ATRNL1: variants seen among roughly 807,000 people sequenced by gnomAD.
ATRNL1 encodes attractin-like protein 1.
ATRNL1 carries 95 observed loss-of-function variants against 182.7 expected under a neutral mutation model. That is an observed-to-expected ratio of 0.52 (90% CI 0.44 to 0.62). The LOEUF is 0.62. Among genes scored for constraint, ATRNL1 ranks in the 20% least tolerant of loss-of-function variants. The probability of loss-of-function intolerance (pLI) is 0.00; values close to 1 mark genes in which losing one functional copy is unlikely to be tolerated. For missense variants in ATRNL1, 1,471 were observed against 1,679.5 expected (o/e 0.88, Z 2.17); for synonymous variants, 576 against 568.3 (o/e 1.01, Z -0.19).
chr10:115,401,293 C>T (rs1844553133), intron 20 of ATRNL1, among the ~76,000 whole-genome samples: 1 of 152,030 alleles, frequency 6.6e-6, no homozygotes, highest in African/African-American at 2.4e-5. Context: ...GTCATTTTCC[C>T]TGTTCCTTAG....
At position 115,567,786 on chromosome 10, in the gene ATRNL1, A is replaced by T. The variant is rs1200804765; in HGVS notation, c.3795+18250A>T. On this transcript the variant is annotated intron_variant, in intron 26 of 28. Transcript: ENST00000355044. Reference sequence around the variant, plus strand: ...ACTAGGAGGTATTTTAATAGCAGTTAGTTTAATGAGAATGGTGAAAACCAA... The same window carrying T: ...ACTAGGAGGTATTTTAATAGCAGTTTGTTTAATGAGAATGGTGAAAACCAA... 2.0e-5 allele frequency among the ~76,000 whole-genome samples: 3 copies of T among 152,160 alleles called. No individual in the cohort carries two copies. In the South Asian group the frequency reaches 6.2e-4, roughly 31 times the overall value.
At chr10:115,458,393 C>G (rs1359754475) in intron 21 of ATRNL1, among the ~76,000 whole-genome samples, 3 of 152,096 alleles carry the variant, frequency 2.0e-5, no homozygotes, top group Non-Finnish European at 2.9e-5. Context: ...TAGTAGTGCA[C>G]ATTCATTCAT....
chr10:115,385,390 C>T (rs1296400879), intron 19 of ATRNL1, among the ~76,000 whole-genome samples: 4 of 151,912 alleles, frequency 2.6e-5, no homozygotes, highest in Non-Finnish European at 5.9e-5. Flanking sequence ...GATCTTTTGT[C>T]CACTTTTAAA....
chr10:115,940,428 G>A (rs1953692172), intron 28 of ATRNL1, among the ~76,000 whole-genome samples: 1 of 152,168 alleles, frequency 6.6e-6, no homozygotes, highest in African/African-American at 2.4e-5. Flanking sequence ...GCTGGTTATT[G>A]CAGATTATAG....
At chr10:115,362,784 T>C (rs1406864783) in intron 19 of ATRNL1, among the ~76,000 whole-genome samples, 11 of 151,860 alleles carry the variant, frequency 7.2e-5, no homozygotes, top group East Asian at 1.9e-4. Flanking sequence ...GGTTTTTTGT[T>C]CTTGCGATAG....
At chr10:115,932,410 A>G (rs1299847128) in intron 28 of ATRNL1, among the ~76,000 whole-genome samples, 1 of 152,226 alleles carries the variant, frequency 6.6e-6, no homozygotes, top group Non-Finnish European at 1.5e-5. Flanking sequence ...GGTTACAGAC[A>G]TACCTGTTTT....
At chr10:115,528,026 C>CTTT (rs1554987156) in intron 25 of ATRNL1, among the ~76,000 whole-genome samples, 34 of 62,180 alleles carry the variant, frequency 5.5e-4, no homozygotes, top group African/African-American at 1.9e-3. Flanking sequence ...TCCTTCCTTC[C>CTTT]CTCCTTCCTT....
intron 20 of ATRNL1, among the ~76,000 whole-genome samples, chr10:115,424,646 G>A (rs1554962565): frequency 6.6e-6 from 1 of 152,028 alleles, no homozygotes; most frequent in African/African-American, 2.4e-5. Flanking sequence ...TGAACCTAGA[G>A]GACATTATAT....
chr10:115,210,030 C>A lies in ATRNL1; in HGVS notation c.1349-5667C>A, dbSNP rs528651315. Among the ~76,000 whole-genome samples, 7 of 152,068 alleles carry A rather than the reference C, an allele frequency of 4.6e-5. No homozygotes were observed. The South Asian group carries it at 6.2e-4, about 14-fold the overall frequency. The stretch of plus-strand genomic sequence containing the variant: ...TGTTAGACCTGTGTCTTCGCTCTTA[C>A]AATTCCAAAGTTTTTTTAAAAAAGT... On this transcript the variant is annotated intron_variant, in intron 8 of 28. Coordinates refer to ENST00000355044, the MANE Select transcript of ATRNL1 (RefSeq NM_207303.4).
chr10:115,301,522 C>T (rs1033794029), intron 16 of ATRNL1, among the ~76,000 whole-genome samples: 2 of 151,940 alleles, frequency 1.3e-5, no homozygotes, highest in Non-Finnish European at 2.9e-5. Flanking sequence ...CTATGGAAAA[C>T]GTGGCTGGGA....
At chr10:115,529,271 G>T (rs1851423016) in intron 25 of ATRNL1, among the ~76,000 whole-genome samples, 1 of 151,666 alleles carries the variant, frequency 6.6e-6, no homozygotes, top group Admixed American at 6.6e-5. Flanking sequence ...TTGTCTTAAA[G>T]AACATTTTTA....
At chr10:115,550,750 A>T (rs1324204359) in intron 26 of ATRNL1, among the ~76,000 whole-genome samples, 2 of 151,970 alleles carry the variant, frequency 1.3e-5, no homozygotes, top group East Asian at 3.9e-4. Context: ...ATGTTAGATG[A>T]TCTATTACAG....
intron 15 of ATRNL1, among the ~76,000 whole-genome samples, chr10:115,297,350 G>A (rs1411515909): frequency 6.6e-6 from 1 of 151,984 alleles, no homozygotes; most frequent in East Asian, 1.9e-4. Context: ...AAAAATAAGG[G>A]ACAATTACCG....
intron 9 of ATRNL1, among the ~76,000 whole-genome samples, chr10:115,234,111 T>C (rs1429799268): frequency 6.6e-6 from 1 of 152,112 alleles, no homozygotes; most frequent in Non-Finnish European, 1.5e-5. Context: ...AGGTCTGATG[T>C]TTTCTTCAGG....
intron 27 of ATRNL1, among the ~76,000 whole-genome samples, chr10:115,793,078 C>A (rs1310417364): frequency 6.6e-6 from 1 of 151,922 alleles, no homozygotes; most frequent in Non-Finnish European, 1.5e-5. Flanking sequence ...AACATTTTTT[C>A]ATCACTACCA....
chr10:115,374,426 A>C (rs372403206), intron 19 of ATRNL1, among the ~76,000 whole-genome samples: 358 of 138,094 alleles, frequency 2.6e-3, no homozygotes, highest in Middle Eastern at 0.011. Context: ...TTTCCTTCTC[A>C]TTCTCCTTCT....
At chr10:115,535,820 T>C (rs1390837307) in intron 25 of ATRNL1, among the ~76,000 whole-genome samples, 2 of 152,160 alleles carry the variant, frequency 1.3e-5, no homozygotes, top group Non-Finnish European at 2.9e-5. Context: ...TAGTTTTCCT[T>C]CTAGCAGATA....
intron 5 of ATRNL1, among the ~76,000 whole-genome samples, chr10:115,131,557 C>T (rs961862288): frequency 6.6e-6 from 1 of 151,972 alleles, no homozygotes; most frequent in South Asian, 2.1e-4. Context: ...GTTTTTATTT[C>T]AGATATATAT....
chr10:115,757,600 T>A lies in ATRNL1; in HGVS notation c.3903+30245T>A, dbSNP rs147317993. ...TTTGGCTGCCCTTAACATTTTTTCC[T>A]TCACTTCAACCTTGGTGAATCTGAC... On this transcript the variant is annotated intron_variant, in intron 27 of 28. Transcript: ENST00000355044. 4.5e-3 allele frequency among the ~76,000 whole-genome samples: 685 copies of A among 152,298 alleles called. 2 individuals are homozygous for A. Among genetic ancestry groups the A allele is most frequent in the African/African-American group, 0.015 (609 of 41,568 alleles).
Sources: allele counts gnomAD v4.1 joint callset (sites outside exome capture counted in the v4.1 genomes callset), GRCh38; gene constraint gnomAD v4.1.1; transcripts MANE v1.5; gene names NCBI Gene and HGNC (gene_info 2026-07-23, HGNC 2026-07-21).